The following SIPA1L1 variants were observed in gnomAD, a reference collection of about 807,000 sequenced individuals.
SIPA1L1 encodes the protein signal induced proliferation associated 1 like 1.
SIPA1L1 carries 26 observed loss-of-function variants against 162.7 expected under a neutral mutation model. The observed-to-expected ratio is 0.16, with a 90% CI of 0.12 to 0.22. The LOEUF (loss-of-function observed/expected upper bound fraction) is 0.22, where lower values mean the gene tolerates loss of function less well. Among genes scored for constraint, SIPA1L1 ranks in the 10% least tolerant of loss-of-function variants. The pLI is 1.00. For missense variants in SIPA1L1, 1,874 were observed against 2,241.0 expected (o/e 0.84, Z 3.31); for synonymous variants, 829 against 837.4 (o/e 0.99, Z 0.17).
At chr14:71,697,912 A>G (rs916578984) in intron 13 of SIPA1L1, among the ~76,000 whole-genome samples, 15 of 150,032 alleles carry the variant, frequency 1.0e-4, no homozygotes, top group Non-Finnish European at 2.2e-4. Context: ...CAAACCCATT[A>G]TAAACTGTCT....
chr14:71,538,494 C>CTCCT (rs2054097936), intron 4 of SIPA1L1, among the ~76,000 whole-genome samples: 1 of 152,158 alleles, frequency 6.6e-6, no homozygotes, highest in African/African-American at 2.4e-5. Context: ...GGGATCTGGA[C>CTCCT]TCCTGAGTGT....
intron 10 of SIPA1L1, among the ~76,000 whole-genome samples, chr14:71,667,480 G>A (rs2044127487): frequency 6.6e-6 from 1 of 152,186 alleles, no homozygotes; most frequent in Admixed American, 6.5e-5. Context: ...CTAGCACATA[G>A]TAGGTACTCA....
chr14:71,697,150 G>A (rs1390130692), intron 13 of SIPA1L1, among the ~76,000 whole-genome samples: 1 of 152,154 alleles, frequency 6.6e-6, no homozygotes, highest in Non-Finnish European at 1.5e-5. Context: ...ATGGAAGAGG[G>A]TGGGTTGGGG....
At chr14:71,356,009 A>G (rs1318233177) in intron 2 of SIPA1L1, among the ~76,000 whole-genome samples, 1 of 152,184 alleles carries the variant, frequency 6.6e-6, no homozygotes, top group Non-Finnish European at 1.5e-5. Flanking sequence ...GTTTCTGGGA[A>G]TGGTTGCCAG....
Position 71,724,664 on chromosome 14 carries a change from G to A in SIPA1L1, c.4449-6G>A, listed in dbSNP as rs1313682618. 1.9e-6 allele frequency: 3 copies of A among 1,598,598 alleles called. No homozygotes were observed. The highest frequency in any genetic ancestry group is 2.6e-6 in the Non-Finnish European group (3 of 1,175,434). The stretch of plus-strand genomic sequence containing the variant: ...GTATCTATCATCTCTTCCCTTTTTT[G>A]TCCAGGCGTCATCAGAGCGATGGCA... On this transcript the variant is annotated splice_region_variant and splice_polypyrimidine_tract_variant and intron_variant, in intron 18 of 23. Coordinates refer to ENST00000381232, the MANE Select transcript of SIPA1L1 (RefSeq NM_001386936.1).
chr14:71,723,597 C>T, intron 17 of SIPA1L1, 50 bp from the exon 18 acceptor site: 1 of 1,606,050 alleles, frequency 6.2e-7, no homozygotes, highest in Non-Finnish European at 8.5e-7. Flanking sequence ...ACTTTTATAG[C>T]TGACATAATG....
chr14:71,326,000 A>T (rs563152625), intron 2 of SIPA1L1, among the ~76,000 whole-genome samples: 62 of 152,238 alleles, frequency 4.1e-4, no homozygotes, highest in African/African-American at 1.5e-3. Context: ...ACTCAAAGGC[A>T]ACTTGAGCAG....
chr14:71,738,331 C>T lies in SIPA1L1; in HGVS notation c.5208+6C>T, dbSNP rs1180530955. ...TTCGGGAAGATTTGAAGAAGGTAAA[C>T]ATGTATTCTCAAAGCAAATTGTCCA... is the stretch of plus-strand genomic sequence containing the variant. On this transcript the variant is annotated splice_donor_region_variant and intron_variant, in intron 23 of 23. Coordinates refer to ENST00000381232, the MANE Select transcript of SIPA1L1 (RefSeq NM_001386936.1). The T allele has an allele frequency of 6.3e-7, 1 of 1,599,608 alleles. No homozygotes were observed. The highest frequency in any genetic ancestry group is 8.6e-7 in the Non-Finnish European group (1 of 1,167,108).
chr14:71,376,381 T>A (rs2039373167), intron 2 of SIPA1L1, among the ~76,000 whole-genome samples: 1 of 152,002 alleles, frequency 6.6e-6, no homozygotes, highest in South Asian at 2.1e-4. Flanking sequence ...TTGGGTTTAC[T>A]TTGATTAGCA....
chr14:71,638,313 A>G (rs2041366824), intron 7 of SIPA1L1, among the ~76,000 whole-genome samples: 1 of 152,218 alleles, frequency 6.6e-6, no homozygotes, highest in South Asian at 2.1e-4. Flanking sequence ...TAGCAAATAT[A>G]ATAAAGTAGA....
chr14:71,671,489 T>G lies in SIPA1L1; in HGVS notation c.2626T>G (p.Cys876Gly), dbSNP rs758338207. ...CTACAACAAGGCCATGGAACTAGAC[T>G]GCCTTTTAGGGATCTCCAATGAGTT... Reference protein sequence around the residue: ...EDYNKAMELDCLLGISNEFIV... With the variant: ...EDYNKAMELDGLLGISNEFIV... Residue 876 changes from cysteine (C) to glycine (G), a missense_variant, in exon 11 of 24, where the codon TGC becomes GGC. Cys to Gly is a radical substitution (Grantham distance 159). Coordinates refer to ENST00000381232, the MANE Select transcript of SIPA1L1 (RefSeq NM_001386936.1). 6.2e-7 allele frequency: 1 copy of G among 1,614,116 alleles called. No individual in the cohort carries two copies. Among genetic ancestry groups the G allele is most frequent in the Admixed American group, 1.7e-5 (1 of 60,016 alleles).
At chr14:71,585,558 T>C (rs1451154282) in intron 4 of SIPA1L1, among the ~76,000 whole-genome samples, 1 of 152,218 alleles carries the variant, frequency 6.6e-6, no homozygotes, top group Non-Finnish European at 1.5e-5. Context: ...CCTCCTCTAA[T>C]GGAAATAACT....
At chr14:71,482,469 C>T (rs1334060593) in intron 2 of SIPA1L1, among the ~76,000 whole-genome samples, 1 of 152,154 alleles carries the variant, frequency 6.6e-6, no homozygotes, top group Non-Finnish European at 1.5e-5. Flanking sequence ...GCCACCAGAA[C>T]ATTTCTTCTG....
chr14:71,505,424 T>C (rs1395311022), intron 2 of SIPA1L1, among the ~76,000 whole-genome samples: 2 of 150,218 alleles, frequency 1.3e-5, no homozygotes, highest in East Asian at 1.9e-4. Context: ...CTTTCTTCTT[T>C]TTTTTTTTTT....
chr14:71,410,093 T>C (rs2042299898), intron 2 of SIPA1L1, among the ~76,000 whole-genome samples: 2 of 152,242 alleles, frequency 1.3e-5, no homozygotes, highest in African/African-American at 2.4e-5. Context: ...TGTGCCAAAC[T>C]GCTTCTTTGA....
chr14:71,415,180 T>C (rs1196391925), intron 2 of SIPA1L1, among the ~76,000 whole-genome samples: 1 of 152,152 alleles, frequency 6.6e-6, no homozygotes, highest in Admixed American at 6.5e-5. Flanking sequence ...TGTGCAGAGC[T>C]TAGGGGATGG....
chr14:71,563,018 T>A (rs577896113), intron 4 of SIPA1L1, among the ~76,000 whole-genome samples: 28 of 152,330 alleles, frequency 1.8e-4, no homozygotes, highest in Admixed American at 5.2e-4. Flanking sequence ...TGTCTGCCTG[T>A]TTCCCTGGAC....
intron 5 of SIPA1L1, among the ~76,000 whole-genome samples, chr14:71,611,202 A>G (rs1298147339): frequency 6.6e-6 from 1 of 152,138 alleles, no homozygotes; most frequent in African/African-American, 2.4e-5. Context: ...TATTATGTCC[A>G]CTTTGGCAGA....
rs2085599622 is a variant in SIPA1L1 at position 71,739,262 on chromosome 14, C to T, written c.*101C>T. Reference sequence around the variant, plus strand: ...AGAAAGCATCCTCAGAGCACCTTCCCTGGCTTCCTACTCTGCCCCCTTTCG... The same window carrying T: ...AGAAAGCATCCTCAGAGCACCTTCCTTGGCTTCCTACTCTGCCCCCTTTCG... On this transcript the variant is annotated 3_prime_UTR_variant, in exon 24 of 24. Transcript: ENST00000381232. The T allele has an allele frequency of 2.5e-6, 3 of 1,201,844 alleles. No individual in the cohort carries two copies. The highest frequency in any genetic ancestry group is 3.4e-6 in the Non-Finnish European group (3 of 890,818). The allele number at this position is 1,201,844 out of a possible 1,614,324, so 74.4% of individuals were successfully genotyped here.
Sources: allele counts gnomAD v4.1 joint callset (sites outside exome capture counted in the v4.1 genomes callset), GRCh38; gene constraint gnomAD v4.1.1; transcripts MANE v1.5; gene names NCBI Gene and HGNC (gene_info 2026-07-23, HGNC 2026-07-21).